The following NIBAN3 variants were observed in gnomAD, a reference collection of about 807,000 sequenced individuals.
NIBAN3 encodes the protein protein Niban 3.
In NIBAN3, 66 loss-of-function variants were observed where a neutral mutation model predicts 76.4. The ratio of observed to expected loss-of-function variants is 0.86; its 90% CI spans 0.71 to 1.06. NIBAN3 has a LOEUF of 1.06. NIBAN3 is among the 50% of genes least tolerant of loss of function. NIBAN3 has a pLI of 0.00. For synonymous variants in NIBAN3, 360 were observed against 355.2 expected, an observed-to-expected ratio of 1.01 and a Z score of -0.15; for missense variants, 808 against 810.7, an observed-to-expected ratio of 1.00 and a Z score of 0.04.
chr19:17,535,982 A>G (rs1429104182), intron 4 of NIBAN3, among the ~76,000 whole-genome samples: 1 of 152,188 alleles, frequency 6.6e-6, no homozygotes, highest in African/African-American at 2.4e-5. Flanking sequence ...TCCCAGACGT[A>G]TCAAGGAGCA....
intron 1 of NIBAN3, among the ~76,000 whole-genome samples, chr19:17,530,332 AAAAC>A (rs930464105): frequency 4.6e-5 from 7 of 151,350 alleles, no homozygotes; most frequent in South Asian, 2.1e-4. Context: ...CAAAAAACAA[AAAAC>A]AAAACAAAAC....
At position 17,543,574 on chromosome 19, in the gene NIBAN3, G is replaced by A. The variant is rs746933297; in HGVS notation, c.1497G>A (p.Trp499Ter). 5.0e-6 allele frequency: 8 copies of A among 1,614,152 alleles called. No individual in the cohort carries two copies. Among genetic ancestry groups the A allele is most frequent in the Middle Eastern group, 1.7e-4 (1 of 6,060 alleles). Reference sequence around the variant, plus strand: ...CGCAGAGGAGGTTCATCCGAGGCTGGGGTCTCTGCATCTTTTTACCTTTTG... The same window carrying A: ...CGCAGAGGAGGTTCATCCGAGGCTGAGGTCTCTGCATCTTTTTACCTTTTG... ...GLAQRRFIRGWGLCIFLPFVL... is the reference protein window; with the variant it reads ...GLAQRRFIRG Residue 499 changes from tryptophan (W) to a stop codon, truncating the protein, a stop_gained, in exon 12 of 15, where the codon TGG becomes TGA. Coordinates refer to ENST00000599164, the MANE Select transcript of NIBAN3 (RefSeq NM_001321827.2). LOFTEE classifies it high-confidence loss of function.
intron 8 of NIBAN3, chr19:17,540,012 G>A (rs2050840825): frequency 2.1e-6 from 1 of 484,808 alleles, no homozygotes; most frequent in Non-Finnish European, 3.6e-6. Flanking sequence ...GAGGAAACCA[G>A]GTCCTAAGGG....
At chr19:17,547,886 C>T (rs774613715) in intron 13 of NIBAN3, among the ~76,000 whole-genome samples, 1 of 152,026 alleles carries the variant, frequency 6.6e-6, no homozygotes, top group Admixed American at 6.6e-5. Context: ...AGGCTGGTCT[C>T]GAACTCATGA....
chr19:17,549,633 C>T (rs550707429), intron 14 of NIBAN3, 106 bp downstream of exon 14: 38 of 930,458 alleles, frequency 4.1e-5, no homozygotes, highest in African/African-American at 4.0e-4. Context: ...GGTTCATGGA[C>T]GGAACAGAAT....
chr19:17,536,390 C>T (rs554304602), intron 4 of NIBAN3, among the ~76,000 whole-genome samples: 4 of 152,118 alleles, frequency 2.6e-5, no homozygotes, highest in South Asian at 2.1e-4. Flanking sequence ...GGTTTCACCA[C>T]GTTGGCCAGG....
chr19:17,538,787 A>ATCC (rs2075877793), intron 5 of NIBAN3, among the ~76,000 whole-genome samples: 1 of 151,924 alleles, frequency 6.6e-6, no homozygotes, highest in South Asian at 2.1e-4. Context: ...AGGAAGGAAG[A>ATCC]AAGGGAGGAA....
rs1415408396 is a variant in NIBAN3 at position 17,552,986 on chromosome 19, AT to A, written c.*1091del. ...AAAAGAAGCTGGGCTGAGATGGGAG[AT>A]TTACCTGAGCCTGGGAACTCAAGGC... On this transcript the variant is annotated 3_prime_UTR_variant, in exon 15 of 15. Transcript: ENST00000599164. 2 of 157,046 alleles carry A rather than the reference AT, an allele frequency of 1.3e-5. No homozygotes were observed. The highest frequency in any genetic ancestry group is 4.8e-5 in the African/African-American group (2 of 41,556). 9.7% of individuals were successfully genotyped at this position (157,046 alleles called of 1,614,324 possible).
At chr19:17,555,536 C>A (rs2076204051), downstream of NIBAN3, 1 of 514,206 alleles carries the variant, frequency 1.9e-6, no homozygotes, top group Non-Finnish European at 2.7e-6. Flanking sequence ...GGTAGGGCTG[C>A]AGGTGACGTC....
chr19:17,553,116 T>C lies in NIBAN3; in HGVS notation c.*1218T>C, dbSNP rs1244651988. On this transcript the variant is annotated 3_prime_UTR_variant, in exon 15 of 15. Coordinates refer to ENST00000599164, the MANE Select transcript of NIBAN3 (RefSeq NM_001321827.2). ...AATATGTTGATTAGCCATTTACATG[T>C]TTGTAGTTTTTTTTTTTTTAATTTC... 6.6e-6 allele frequency: 5 copies of C among 759,076 alleles called. No homozygotes were observed. Among genetic ancestry groups the C allele is most frequent in the Non-Finnish European group, 5.9e-6 (3 of 510,784 alleles). 47.0% of individuals were successfully genotyped at this position (759,076 alleles called of 1,614,324 possible). A position where few individuals can be genotyped will look rare whatever the true frequency, so the allele number is the denominator to read the frequency against.
chr19:17,549,366 GTC>G (rs2076116343), intron 13 of NIBAN3, 76 bp from the exon 14 acceptor site: 3 of 989,958 alleles, frequency 3.0e-6, no homozygotes, highest in Non-Finnish European at 4.6e-6. Flanking sequence ...GACATTTGTA[GTC>G]TCTCTGGGAA....
chr19:17,553,349 G>A lies in NIBAN3; in HGVS notation c.*1451G>A. The stretch of plus-strand genomic sequence containing the variant: ...AACTTGGTGTCAAGTTTCCTGGCTG[G>A]GAGACAAGCTTTTACCGACTTCCTC... On this transcript the variant is annotated 3_prime_UTR_variant, in exon 15 of 15. Transcript: ENST00000599164. The A allele has an allele frequency of 6.2e-7, 1 of 1,613,976 alleles. No homozygotes were observed. Among genetic ancestry groups the A allele is most frequent in the Non-Finnish European group, 8.5e-7 (1 of 1,179,954 alleles).
At chr19:17,527,222 C>CTGGGGG (rs2144660125), upstream of NIBAN3, 3 of 1,480,290 alleles carry the variant, frequency 2.0e-6, no homozygotes, top group Non-Finnish European at 1.8e-6. Flanking sequence ...GGGGCAGGGG[C>CTGGGGG]GGGGCCTCTG....
Position 17,532,735 on chromosome 19 carries a change from C to G in NIBAN3, c.312+347C>G, listed in dbSNP as rs116199724. Among the ~76,000 whole-genome samples the G allele has an allele frequency of 4.1e-3, 625 of 152,276 alleles. 4 individuals are homozygous for G. Among genetic ancestry groups the G allele is most frequent in the African/African-American group, 0.014 (568 of 41,550 alleles). On this transcript the variant is annotated intron_variant, in intron 3 of 14. Transcript: ENST00000599164. ...CCTTTCTGAAACTCAGTTTCCACTT[C>G]TGTGAAATGGGATGTTTCACACCAT...
chr19:17,543,388 C>G lies in NIBAN3; in HGVS notation c.1401C>G (p.Asp467Glu). 6.2e-7 allele frequency: 1 copy of G among 1,608,682 alleles called. No individual in the cohort carries two copies. The highest frequency in any genetic ancestry group is 8.5e-7 in the Non-Finnish European group (1 of 1,175,980). ...DQCLTTALNC[D>E]QAAQRLERVR... ...GTCTGACGACGGCCCTCAACTGTGA[C>G]CAGGCTGCCCAGAGGCTGGAGAGAG... Residue 467 changes from aspartate to glutamate, a missense_variant, in exon 11 of 15, where the codon GAC (aspartate) becomes GAG (glutamate). By Grantham distance (45) the Asp-to-Glu change is conservative. Transcript: ENST00000599164.
rs1210108034 is a variant in NIBAN3 at position 17,539,506 on chromosome 19, C to A, written c.816+55C>A. 9 of 1,458,052 alleles carry A rather than the reference C, an allele frequency of 6.2e-6. No homozygotes were observed. The Admixed American group carries it at 7.9e-5, about 13-fold the overall frequency. The allele number at this position is 1,458,052 out of a possible 1,614,324, so 90.3% of individuals were successfully genotyped here. A position where few individuals can be genotyped will look rare whatever the true frequency, so the allele number is the denominator to read the frequency against. ...GGGCGGGATGCGGGCGTTCGGGTTC[C>A]CCTCCCACGACTGTCGCCTAAACCC... is the stretch of plus-strand genomic sequence containing the variant. On this transcript the variant is annotated intron_variant, in intron 7 of 14. Coordinates refer to ENST00000599164, the MANE Select transcript of NIBAN3 (RefSeq NM_001321827.2).
At chr19:17,528,621 G>A (rs890439942) in intron 1 of NIBAN3, among the ~76,000 whole-genome samples, 2 of 152,110 alleles carry the variant, frequency 1.3e-5, no homozygotes, top group Non-Finnish European at 2.9e-5. Context: ...TGCCATTCGG[G>A]TCCCTCTGTC....
intron 5 of NIBAN3, among the ~76,000 whole-genome samples, chr19:17,538,076 G>T (rs1220292056): frequency 6.6e-6 from 1 of 152,000 alleles, no homozygotes; most frequent in Non-Finnish European, 1.5e-5. Context: ...AGGGATGGGG[G>T]TTAGAGCAGG....
chr19:17,525,847 C>G (rs1217283546), upstream of NIBAN3, among the ~76,000 whole-genome samples: 1 of 152,138 alleles, frequency 6.6e-6, no homozygotes, highest in Non-Finnish European at 1.5e-5. Context: ...CACCTGTAAT[C>G]CCAGCACTTT....
Sources: allele counts gnomAD v4.1 joint callset (sites outside exome capture counted in the v4.1 genomes callset), GRCh38; gene constraint gnomAD v4.1.1; transcripts MANE v1.5; gene names NCBI Gene and HGNC (gene_info 2026-07-23, HGNC 2026-07-21).